Variants in QKI observed in about 807,000 individuals in gnomAD.
QKI encodes KH domain-containing RNA-binding protein QKI.
QKI carries 10 observed loss-of-function variants against 39.0 expected under a neutral mutation model. That is an observed-to-expected ratio of 0.26 (90% CI 0.16 to 0.43). The LOEUF is 0.43. Ranked by LOEUF, QKI falls within the 20% of genes least tolerant of loss-of-function variation. The pLI, the probability that QKI is intolerant of heterozygous loss-of-function variation, is 1.00. For missense variants in QKI, 218 were observed against 428.0 expected (o/e 0.51, Z 4.33); for synonymous variants, 204 against 155.4 (o/e 1.31, Z -2.33).
chr6:163,495,426 T>C (rs2128229892), intron 3 of QKI, among the ~76,000 whole-genome samples: 1 of 152,264 alleles, frequency 6.6e-6, no homozygotes, highest in South Asian at 2.1e-4. Flanking sequence ...TATGTACATA[T>C]ATAAAATAAT....
chr6:163,464,194 C>T (rs889103624), intron 2 of QKI, among the ~76,000 whole-genome samples: 11 of 151,866 alleles, frequency 7.2e-5, no homozygotes, highest in Admixed American at 2.0e-4. Context: ...TCTATGATAT[C>T]TCGCGCAATA....
At chr6:163,568,664 A>G (rs1185081192) in intron 7 of QKI, 4 of 977,922 alleles carry the variant, frequency 4.1e-6, no homozygotes, top group Non-Finnish European at 4.9e-6. Context: ...AGAGAAGTTT[A>G]TTAGTATAAG....
At chr6:163,553,067 TTTATTTATTTA>T (rs1782356673) in intron 4 of QKI, among the ~76,000 whole-genome samples, 1 of 5,132 alleles carries the variant, frequency 1.9e-4, no homozygotes. Flanking sequence ...TTAATTTTTA[TTTATTTATTTA>T]TTTATTTATT....
chr6:163,550,489 G>A (rs1232441618), intron 4 of QKI, among the ~76,000 whole-genome samples: 1 of 152,058 alleles, frequency 6.6e-6, no homozygotes, highest in African/African-American at 2.4e-5. Context: ...CAGAGATTTG[G>A]GGGGAAGCTA....
At chr6:163,529,954 A>G (rs941256790) in intron 3 of QKI, among the ~76,000 whole-genome samples, 1 of 152,210 alleles carries the variant, frequency 6.6e-6, no homozygotes, top group Non-Finnish European at 1.5e-5. Flanking sequence ...TGAAGTATAC[A>G]TTTCTAGTTG....
intron 3 of QKI, among the ~76,000 whole-genome samples, chr6:163,518,433 CT>C (rs1162258729): frequency 6.6e-6 from 1 of 152,060 alleles, no homozygotes; most frequent in Non-Finnish European, 1.5e-5. Flanking sequence ...TACATAGATA[CT>C]GTTTTTTGTG....
intron 3 of QKI, among the ~76,000 whole-genome samples, chr6:163,492,542 T>C (rs1778122703): frequency 6.6e-6 from 1 of 152,164 alleles, no homozygotes; most frequent in South Asian, 2.1e-4. Context: ...TTATAGCAGA[T>C]AGTGAAGAAT....
intron 1 of QKI, chr6:163,415,978 A>G (rs1787433422): frequency 4.1e-6 from 2 of 487,774 alleles, no homozygotes; most frequent in African/African-American, 4.1e-5. Context: ...GGACTAAGTG[A>G]CGGCGAAAAG....
intron 4 of QKI, among the ~76,000 whole-genome samples, chr6:163,537,981 A>G (rs1250622513): frequency 6.6e-6 from 1 of 152,166 alleles, no homozygotes. Flanking sequence ...CTTACCTTTC[A>G]GGTTTCATTT....
At chr6:163,486,768 T>C (rs964588822) in intron 3 of QKI, among the ~76,000 whole-genome samples, 8 of 152,194 alleles carry the variant, frequency 5.3e-5, no homozygotes, top group African/African-American at 1.7e-4. Flanking sequence ...ACGTATGGTA[T>C]ATTAAGTGGA....
At chr6:163,544,330 C>G (rs1781734474) in intron 4 of QKI, among the ~76,000 whole-genome samples, 1 of 152,000 alleles carries the variant, frequency 6.6e-6, no homozygotes, top group South Asian at 2.1e-4. Context: ...CATTTTATAT[C>G]ATGGACTTGA....
At chr6:163,535,445 C>G (rs1016560920) in intron 4 of QKI, among the ~76,000 whole-genome samples, 6 of 152,022 alleles carry the variant, frequency 3.9e-5, no homozygotes, top group Admixed American at 1.3e-4. Context: ...CCTCTGCCCC[C>G]CTTCCTTGGG....
At chr6:163,567,045 A>G (rs1248214121) in intron 7 of QKI, 40 of 1,116,034 alleles carry the variant, frequency 3.6e-5, no homozygotes, top group Non-Finnish European at 4.0e-5. Context: ...CTACTAAAAC[A>G]TAAATTAGTC....
chr6:163,565,894 C>T, intron 6 of QKI: 4 of 1,611,024 alleles, frequency 2.5e-6, no homozygotes, highest in Non-Finnish European at 3.4e-6. Context: ...TTGGTATTAG[C>T]ATCAAGTCTT....
chr6:163,457,283 T>C (rs1186111826), intron 2 of QKI: 2 of 455,566 alleles, frequency 4.4e-6, no homozygotes, highest in African/African-American at 2.0e-5. Context: ...GGGGTATTTA[T>C]GCATTCTTTA....
At chr6:163,564,091 AC>A in intron 6 of QKI, 1 of 1,053,410 alleles carries the variant, frequency 9.5e-7, no homozygotes, top group Non-Finnish European at 1.1e-6. Flanking sequence ...ATTTTATCTC[AC>A]AGGTTTGTGT....
intron 3 of QKI, among the ~76,000 whole-genome samples, chr6:163,484,435 A>G (rs1203031303): frequency 6.6e-6 from 1 of 152,128 alleles, no homozygotes; most frequent in Non-Finnish European, 1.5e-5. Flanking sequence ...TCCTGGCCTC[A>G]AGTGATCTGC....
chr6:163,567,709 T>C (rs1157288737), intron 7 of QKI: 18 of 984,130 alleles, frequency 1.8e-5, no homozygotes, highest in Non-Finnish European at 2.1e-5. Flanking sequence ...AAGATAGGAA[T>C]ATCAAGCATG....
intron 3 of QKI, among the ~76,000 whole-genome samples, chr6:163,481,251 ATG>A (rs1210782461): frequency 6.6e-6 from 1 of 152,168 alleles, no homozygotes; most frequent in Non-Finnish European, 1.5e-5. Flanking sequence ...ATATATATAT[ATG>A]TGTGTGCGTA....
Sources: allele counts gnomAD v4.1 joint callset (sites outside exome capture counted in the v4.1 genomes callset), GRCh38; gene constraint gnomAD v4.1.1; transcripts MANE v1.5; gene names NCBI Gene and HGNC (gene_info 2026-07-23, HGNC 2026-07-21).